DNASE1: variants seen among roughly 807,000 people sequenced by gnomAD.
The protein encoded by DNASE1 is deoxyribonuclease 1.
DNASE1 carries 40 observed loss-of-function variants against 33.9 expected under a neutral mutation model. The observed-to-expected ratio is 1.18, with a 90% confidence interval of 0.92 to 1.54. The LOEUF is 1.54. Ranked by LOEUF, DNASE1 falls within the 40% of genes most tolerant of loss-of-function variation. DNASE1 has a pLI of 0.00. For synonymous variants in DNASE1, 216 were observed against 160.0 expected (o/e 1.35, Z -2.64); for missense variants, 518 against 372.6 (o/e 1.39, Z -3.21).
intron 1 of DNASE1, among the ~76,000 whole-genome samples, chr16:3,613,079 C>G (rs2040963596): frequency 1.3e-5 from 2 of 152,082 alleles, no homozygotes; most frequent in Admixed American, 1.3e-4. Context: ...GTCGCTAATT[C>G]CAGAACGTTT....
At chr16:3,640,673 A>T (rs1042710719), upstream of DNASE1, 7 of 398,430 alleles carry the variant, frequency 1.8e-5, no homozygotes, top group Non-Finnish European at 2.2e-5. Context: ...GTGCTGGGTG[A>T]GCTGATGGGC....
At chr16:3,640,718 C>G, upstream of DNASE1, 1 of 398,600 alleles carries the variant, frequency 2.5e-6, no homozygotes, top group Non-Finnish European at 4.4e-6. Context: ...CTTTTAGTGA[C>G]CACAATATGA....
intron 8 of DNASE1, 44 bp from the exon 9 acceptor site, chr16:3,657,862 G>GC (rs752413022): frequency 6.2e-7 from 1 of 1,613,980 alleles, no homozygotes; most frequent in East Asian, 2.2e-5. Flanking sequence ...GGACACAGGA[G>GC]CTCAGGTAGG....
intron 1 of DNASE1, among the ~76,000 whole-genome samples, chr16:3,628,405 T>A (rs926370407): frequency 1.3e-5 from 2 of 152,150 alleles, no homozygotes; most frequent in African/African-American, 2.4e-5. Flanking sequence ...TTCTTTCCAA[T>A]TTGGATATAT....
At position 3,657,238 on chromosome 16, in the gene DNASE1, TC is replaced by T. The variant is rs754686948; in HGVS notation, c.604del (p.Gln202SerfsTer16). 6.2e-7 allele frequency: 1 copy of T among 1,613,958 alleles called. No homozygotes were observed. Among genetic ancestry groups the T allele is most frequent in the Non-Finnish European group, 8.5e-7 (1 of 1,180,014 alleles). ...TGCGGGCTGCAGCTATGTGAGACCC[TC>T]CCAGTGGTCATCCATCCGCCTGTGG... Reference protein sequence around the residue: ...FNAGCSYVRPSQWSSIRLWTS... With the variant: ...FNAGCSYVRPXQWSSIRLWTS... On this transcript the variant is annotated frameshift_variant, in exon 7 of 9. Transcript: ENST00000246949. LOFTEE classifies it high-confidence loss of function.
rs143865851 is a variant in DNASE1, at chr16:3,655,858, C to A, written c.157C>A (p.Arg53Ser). Residue 53 changes from arginine (R) to serine (S), a missense_variant, in exon 3 of 9, where the codon CGC (arginine) becomes AGC (serine). Arg to Ser is a moderately radical substitution (Grantham distance 110). Transcript: ENST00000246949. ...LVSYIVQILSRYDIALVQEVR... is the reference protein window; with the variant it reads ...LVSYIVQILSSYDIALVQEVR... ...GTGGCCCTGCCCCCAGATCCTGAGC[C>A]GCTATGACATCGCCCTGGTCCAGGA... 6.8e-6 allele frequency: 11 copies of A among 1,613,436 alleles called. No homozygotes were observed. In the South Asian group the frequency reaches 1.2e-4, roughly 18 times the overall value.
chr16:3,629,891 G>T (rs1345061249), intron 1 of DNASE1, among the ~76,000 whole-genome samples: 5 of 152,188 alleles, frequency 3.3e-5, no homozygotes, highest in African/African-American at 4.8e-5. Flanking sequence ...TTGGCTCACT[G>T]CAACCTCTGC....
At chr16:3,612,548 G>GC (rs1481412782) in intron 1 of DNASE1, among the ~76,000 whole-genome samples, 2 of 112,712 alleles carry the variant, frequency 1.8e-5, no homozygotes, top group Non-Finnish European at 1.8e-5. Flanking sequence ...ACCGCTCACG[G>GC]CTTTTTTTTT....
intron 1 of DNASE1, among the ~76,000 whole-genome samples, chr16:3,616,315 C>G (rs998348598): frequency 6.6e-6 from 1 of 152,058 alleles, no homozygotes; most frequent in Non-Finnish European, 1.5e-5. Flanking sequence ...GTGGAAAAAC[C>G]GATGTTAAAA....
chr16:3,620,344 C>T lies in DNASE1; in HGVS notation c.-1359+8338C>T, dbSNP rs1032884861. Among the ~76,000 whole-genome samples the T allele has an allele frequency of 5.3e-5, 8 of 151,982 alleles. No homozygotes were observed. In the East Asian group the frequency reaches 1.4e-3, roughly 26 times the overall value. ...AAGCATTTCAGAGATCAAAAGGCTT[C>T]GTATAATTAGTAAAGAAACCTTTTA... On this transcript the variant is annotated intron_variant and NMD_transcript_variant, in intron 1 of 11. Transcript: ENST00000570769.
chr16:3,627,707 C>G (rs1166663840), intron 1 of DNASE1, among the ~76,000 whole-genome samples: 1 of 152,148 alleles, frequency 6.6e-6, no homozygotes, highest in Admixed American at 6.6e-5. Flanking sequence ...TTGTCAAAAT[C>G]ATTTGACCAT....
At chr16:3,640,644 TG>T (rs1567197465), upstream of DNASE1, 2 of 397,952 alleles carry the variant, frequency 5.0e-6, no homozygotes, top group African/African-American at 4.1e-5. Flanking sequence ...AGGAGTTTGC[TG>T]AAGTTTCAGA....
At chr16:3,652,568 C>G (rs1002652102), upstream of DNASE1, 1 of 152,298 alleles carries the variant, frequency 6.6e-6, no homozygotes, top group Admixed American at 6.5e-5. Context: ...GCAATGGGGC[C>G]TCTGGCAGCC....
intron 5 of DNASE1, 30 bp from the exon 6 acceptor site, chr16:3,656,969 G>A: frequency 6.2e-7 from 1 of 1,609,216 alleles, no homozygotes; most frequent in Non-Finnish European, 8.5e-7. Flanking sequence ...CCCAGGGAGT[G>A]TGCCTCACAC....
chr16:3,623,517 A>G (rs2041396163), intron 1 of DNASE1, among the ~76,000 whole-genome samples: 1 of 152,228 alleles, frequency 6.6e-6, no homozygotes, highest in Non-Finnish European at 1.5e-5. Flanking sequence ...TACACAGCAA[A>G]AGAAATAACA....
intron 1 of DNASE1, among the ~76,000 whole-genome samples, chr16:3,623,434 G>C (rs890374523): frequency 6.6e-6 from 1 of 152,126 alleles, no homozygotes; most frequent in Non-Finnish European, 1.5e-5. Flanking sequence ...AAGAATATAT[G>C]ACTAAGACCT....
chr16:3,637,998 C>G (rs1325516989), upstream of DNASE1, among the ~76,000 whole-genome samples: 1 of 152,080 alleles, frequency 6.6e-6, no homozygotes, highest in African/African-American at 2.4e-5. Context: ...GTAGTGACAA[C>G]TTCTAAGCTC....
At chr16:3,636,090 C>T (rs1481187988) in intron 1 of DNASE1, among the ~76,000 whole-genome samples, 1 of 152,060 alleles carries the variant, frequency 6.6e-6, no homozygotes, top group African/African-American at 2.4e-5. Flanking sequence ...TTCTAATTGT[C>T]CCACAGTTCT....
At chr16:3,614,756 T>C (rs2041040756) in intron 1 of DNASE1, among the ~76,000 whole-genome samples, 2 of 152,212 alleles carry the variant, frequency 1.3e-5, no homozygotes, top group African/African-American at 4.8e-5. Context: ...CAAGATTTAT[T>C]AAGATTTCAA....
Sources: gnomAD v4.1 joint callset for allele counts (sites outside exome capture counted in the v4.1 genomes callset) on GRCh38, gnomAD v4.1.1 for gene constraint, MANE v1.5 for transcripts, NCBI Gene and HGNC (gene_info 2026-07-23, HGNC 2026-07-21) for gene names.